Variants in NHS observed in about 807,000 individuals in gnomAD.
NHS encodes the protein NHS actin remodeling regulator.
NHS carries 5 observed loss-of-function variants against 72.5 expected under a neutral mutation model. The ratio of observed to expected loss-of-function variants is 0.07; its 90% CI spans 0.04 to 0.14. The LOEUF (loss-of-function observed/expected upper bound fraction) is 0.14, where lower values mean the gene tolerates loss of function less well. Among genes scored for constraint, NHS ranks in the 10% least tolerant of loss-of-function variants. The probability of loss-of-function intolerance (pLI) is 1.00; values close to 1 mark genes in which losing one functional copy is unlikely to be tolerated. For missense variants in NHS, 1,072 were observed against 1,355.7 expected, an observed-to-expected ratio of 0.79 and a Z score of 3.29; for synonymous variants, 464 against 547.7, an observed-to-expected ratio of 0.85 and a Z score of 2.13.
rs193224351 is a variant in NHS, at chrX:17,532,356, G to A, written c.566-155386G>A. 2.1e-4 allele frequency among the ~76,000 whole-genome samples: 23 copies of A among 110,589 alleles called. No individual in the cohort carries two copies. The East Asian group carries it at 6.0e-3, about 29-fold the overall frequency. On this transcript the variant is annotated intron_variant, in intron 1 of 8. Transcript: ENST00000676302. ...CTGATTATATGCCAGGCACTGGACC[G>A]GAGCCCCAGGAAACAAAGATGAATG...
At chrX:17,683,611 G>A (rs1601834373) in intron 1 of NHS, among the ~76,000 whole-genome samples, 2 of 111,182 alleles carry the variant, frequency 1.8e-5, no homozygotes, top group Non-Finnish European at 3.8e-5. Flanking sequence ...AGTTGTGTGC[G>A]GGTACCATGA....
At chrX:17,378,272 T>A (rs1228921355) in intron 1 of NHS, among the ~76,000 whole-genome samples, 1 of 111,780 alleles carries the variant, frequency 8.9e-6, no homozygotes, top group Non-Finnish European at 1.9e-5. Context: ...TAAGAGAGGA[T>A]CTTGAGTGTG....
chrX:17,429,224 A>ATG (rs10616889), intron 1 of NHS, among the ~76,000 whole-genome samples: 3,136 of 96,737 alleles, frequency 0.032, 36 homozygotes, highest in Non-Finnish European at 0.036. Context: ...GTACTGGGGG[A>ATG]TGTGTGTGTG....
intron 1 of NHS, among the ~76,000 whole-genome samples, chrX:17,430,083 C>T (rs372286159): frequency 1.0e-5 from 1 of 99,366 alleles, no homozygotes; most frequent in Non-Finnish European, 2.0e-5. Context: ...TTTTTCCTTC[C>T]TTCCTTCCTT....
intron 1 of NHS, among the ~76,000 whole-genome samples, chrX:17,647,488 A>T (rs749011588): frequency 9.0e-6 from 1 of 111,553 alleles, no homozygotes; most frequent in Non-Finnish European, 1.9e-5. Context: ...GAGAGTCTCC[A>T]TCTGTACATT....
intron 1 of NHS, among the ~76,000 whole-genome samples, chrX:17,675,918 T>C (rs191258702): frequency 6.4e-4 from 72 of 112,315 alleles, no homozygotes; most frequent in African/African-American, 1.9e-3. Flanking sequence ...GTAGTGATTC[T>C]AAGTAAGTGT....
chrX:17,502,579 G>C (rs1223390481), intron 1 of NHS, among the ~76,000 whole-genome samples: 1 of 49,099 alleles, frequency 2.0e-5, no homozygotes, highest in Admixed American at 1.8e-4. Flanking sequence ...CACGAGGTCA[G>C]GAGATCGAGA....
At chrX:17,408,088 C>A (rs1236035983) in intron 1 of NHS, among the ~76,000 whole-genome samples, 1 of 111,453 alleles carries the variant, frequency 9.0e-6, no homozygotes, top group Non-Finnish European at 1.9e-5. Context: ...CCTCTCACTG[C>A]AACCTCCACC....
At chrX:17,668,875 G>A (rs764503972) in intron 1 of NHS, among the ~76,000 whole-genome samples, 7 of 111,501 alleles carry the variant, frequency 6.3e-5, no homozygotes, top group Non-Finnish European at 1.3e-4. Flanking sequence ...ACACTTCAGA[G>A]TTATCTTGAC....
At chrX:17,695,413 T>C (rs772327321) in intron 3 of NHS, among the ~76,000 whole-genome samples, 4 of 112,425 alleles carry the variant, frequency 3.6e-5, no homozygotes, top group African/African-American at 1.3e-4. Context: ...GAAGAATATT[T>C]AATGACATGG....
chrX:17,635,063 C>T (rs965386178), intron 1 of NHS, among the ~76,000 whole-genome samples: 3 of 111,540 alleles, frequency 2.7e-5, no homozygotes, highest in African/African-American at 9.8e-5. Flanking sequence ...CTAATGGTTT[C>T]GATAGCCACA....
chrX:17,582,538 A>G (rs762900346), intron 1 of NHS, among the ~76,000 whole-genome samples: 1 of 112,131 alleles, frequency 8.9e-6, no homozygotes, highest in African/African-American at 3.2e-5. Context: ...CTTTGAGAAG[A>G]GAGAGTCCTT....
At chrX:17,394,122 G>A (rs1219667416) in intron 1 of NHS, among the ~76,000 whole-genome samples, 1 of 111,455 alleles carries the variant, frequency 9.0e-6, no homozygotes, top group East Asian at 2.8e-4. Context: ...AGCATATCAG[G>A]AATATCTGAA....
At chrX:17,677,314 C>CCT (rs1386258539) in intron 1 of NHS, among the ~76,000 whole-genome samples, 1 of 111,983 alleles carries the variant, frequency 8.9e-6, no homozygotes, top group Non-Finnish European at 1.9e-5. Flanking sequence ...AATTATGAAT[C>CCT]CTCTGCCTAT....
chrX:17,422,933 A>G (rs1003640160), intron 1 of NHS, among the ~76,000 whole-genome samples: 8 of 112,056 alleles, frequency 7.1e-5, no homozygotes, highest in African/African-American at 2.6e-4. Flanking sequence ...AGCTACTGAC[A>G]GGGTAACTGG....
At chrX:17,378,623 G>A (rs955638092) in intron 1 of NHS, among the ~76,000 whole-genome samples, 1 of 112,065 alleles carries the variant, frequency 8.9e-6, no homozygotes, top group African/African-American at 3.2e-5. Flanking sequence ...CAGAGAGGGG[G>A]TAGGGAAGTG....
intron 1 of NHS, among the ~76,000 whole-genome samples, chrX:17,403,880 G>C (rs937529927): frequency 9.0e-6 from 1 of 111,084 alleles, no homozygotes; most frequent in African/African-American, 3.3e-5. Context: ...AGATTGCCTG[G>C]TGGATCCCTC....
intron 1 of NHS, among the ~76,000 whole-genome samples, chrX:17,679,477 C>G (rs2066109868): frequency 9.0e-6 from 1 of 111,512 alleles, no homozygotes; most frequent in African/African-American, 3.3e-5. Flanking sequence ...GCTGTGGCTC[C>G]TCTTGTCAGA....
intron 1 of NHS, among the ~76,000 whole-genome samples, chrX:17,598,282 C>T (rs2065634227): frequency 8.9e-6 from 1 of 112,195 alleles, no homozygotes. Flanking sequence ...GGAGTCCAGA[C>T]TCCAAGTCAA....
Sources: allele counts gnomAD v4.1 joint callset (sites outside exome capture counted in the v4.1 genomes callset), GRCh38; gene constraint gnomAD v4.1.1; transcripts MANE v1.5; gene names NCBI Gene and HGNC (gene_info 2026-07-23, HGNC 2026-07-21).